The following ATM variants were observed in gnomAD, a reference collection of about 807,000 sequenced individuals.
ATM encodes the protein ATM serine/threonine kinase.
Under a neutral mutation model 387.0 loss-of-function variants are expected in ATM, and 308 were observed. The ratio of observed to expected loss-of-function variants is 0.80; its 90% CI spans 0.73 to 0.87. The LOEUF (loss-of-function observed/expected upper bound fraction) is 0.87, where lower values mean the gene tolerates loss of function less well. ATM is among the 40% of genes least tolerant of loss of function. ATM has a pLI of 0.00. For synonymous variants in ATM, 1,156 were observed against 1,187.3 expected (o/e 0.97, Z 0.54); for missense variants, 3,312 against 3,560.9 (o/e 0.93, Z 1.78).
In ATM at chr11:108,321,314, G is replaced by A. The variant is rs1328099740; in HGVS notation, c.6466G>A (p.Glu2156Lys). ...TTTTGCTACTAGAGTAAAAGAAGTG[G>A]AAGAGATGTGTAAGCGCAGCCTTGA... ...SLKYARVKEV[E>K]EMCKRSLESV... The change falls in exon 45 of 63, where the codon GAA (glutamate) becomes AAA (lysine). Residue 2156 changes from glutamate to lysine, a missense_variant. Glu to Lys is a moderately conservative substitution (Grantham distance 56). Coordinates refer to ENST00000675843, the MANE Select transcript of ATM (RefSeq NM_000051.4). 2 of 1,613,980 alleles carry A rather than the reference G, an allele frequency of 1.2e-6. No individual in the cohort carries two copies. The highest frequency in any genetic ancestry group is 1.6e-4 in the Middle Eastern group (1 of 6,082).
chr11:108,287,028 A>G (rs1321669585), intron 26 of ATM: 1 of 152,374 alleles, frequency 6.6e-6, no homozygotes, highest in Non-Finnish European at 1.5e-5. Flanking sequence ...GATTAATGAA[A>G]AGTCCAAATC....
At chr11:108,267,853 G>T (rs948622862) in intron 17 of ATM, among the ~76,000 whole-genome samples, 1 of 152,138 alleles carries the variant, frequency 6.6e-6, no homozygotes, top group Admixed American at 6.5e-5. Context: ...GCGAGACTCC[G>T]TCTCAAAAAA....
At chr11:108,313,747 A>T (rs2084370277) in intron 40 of ATM, among the ~76,000 whole-genome samples, 1 of 152,224 alleles carries the variant, frequency 6.6e-6, no homozygotes, top group Non-Finnish European at 1.5e-5. Flanking sequence ...GAAACATTTG[A>T]GTTGGAACTA....
At chr11:108,330,535 T>G in intron 50 of ATM, 114 bp downstream of exon 50, 2 of 1,041,110 alleles carry the variant, frequency 1.9e-6, no homozygotes, top group South Asian at 2.5e-5. Flanking sequence ...GGTCCAGTGC[T>G]CTACACATAA....
chr11:108,349,654 CTG>C (rs913671546), intron 59 of ATM, among the ~76,000 whole-genome samples: 86 of 151,768 alleles, frequency 5.7e-4, no homozygotes, highest in African/African-American at 2.1e-3. Flanking sequence ...CAGAGCAAGA[CTG>C]TCTCAAAAAA....
intron 34 of ATM, among the ~76,000 whole-genome samples, chr11:108,300,916 T>C (rs2083396357): frequency 7.1e-6 from 1 of 140,186 alleles, no homozygotes; most frequent in African/African-American, 2.7e-5. Context: ...AGGGTCTCGC[T>C]CTATCACCCA....
At chr11:108,345,627 T>C (rs756890895) in intron 57 of ATM, 116 bp from the exon 58 acceptor site, 11 of 801,688 alleles carry the variant, frequency 1.4e-5, no homozygotes, top group Admixed American at 3.0e-5. Flanking sequence ...TTGTAGGTAA[T>C]GTATCCTGTT....
In ATM at chr11:108,330,071, T is replaced by A. The variant is rs933562283; in HGVS notation, c.7308-143T>A. 3.5e-4 allele frequency: 291 copies of A among 826,882 alleles called. 2 individuals carry two copies. Among genetic ancestry groups the A allele is most frequent in the Middle Eastern group, 6.8e-4 (2 of 2,924 alleles). 51.2% of individuals were successfully genotyped at this position (826,882 alleles called of 1,614,324 possible). A position where few individuals can be genotyped will look rare whatever the true frequency, so the allele number is the denominator to read the frequency against. ...ACAGTTAAGACAAAAGTAAGTTTAT[T>A]CCCTTTATAATCCTTAGAAGTTTGC... On this transcript the variant is annotated intron_variant, in intron 49 of 62. Transcript: ENST00000675843.
chr11:108,251,470 A>G (rs1407136884), intron 10 of ATM, among the ~76,000 whole-genome samples: 1 of 152,186 alleles, frequency 6.6e-6, no homozygotes, highest in Non-Finnish European at 1.5e-5. Context: ...CTGTTTGGAA[A>G]TGTACAATAG....
At position 108,321,376 on chromosome 11, in the gene ATM, G is replaced by T; in HGVS notation, c.6528G>T (p.Leu2176Phe). 1 of 1,614,194 alleles carries T rather than the reference G, an allele frequency of 6.2e-7. No homozygotes were observed. The highest frequency in any genetic ancestry group is 8.5e-7 in the Non-Finnish European group (1 of 1,180,028). The change falls in exon 45 of 63, where the codon TTG becomes TTT. Residue 2176 changes from leucine to phenylalanine, a missense_variant. Transcript: ENST00000675843. ...VYSLYPTLSR[L>F]QAIGELESIG... ...CGCTCTATCCCACACTTAGCAGGTT[G>T]CAGGCCATTGGAGAGCTGGAAAGCA... is the stretch of plus-strand genomic sequence containing the variant.
intron 48 of ATM, among the ~76,000 whole-genome samples, chr11:108,328,225 A>G (rs1464459967): frequency 6.6e-6 from 1 of 152,128 alleles, no homozygotes; most frequent in Non-Finnish European, 1.5e-5. Context: ...GTAACATGAA[A>G]CACATGATGC....
At chr11:108,296,889 C>CGT in intron 32 of ATM, 1 of 272,060 alleles carries the variant, frequency 3.7e-6, no homozygotes, top group Non-Finnish European at 7.2e-6. Flanking sequence ...TAGACATTTC[C>CGT]ATCATTGCAG....
intron 61 of ATM, among the ~76,000 whole-genome samples, chr11:108,361,798 C>T (rs1454996595): frequency 2.6e-5 from 4 of 152,126 alleles, no homozygotes; most frequent in Middle Eastern, 3.2e-3. Context: ...AAAATTAACT[C>T]AAGATGGATT....
chr11:108,264,124 C>G (rs1591573205), intron 16 of ATM, among the ~76,000 whole-genome samples: 1 of 152,000 alleles, frequency 6.6e-6, no homozygotes, highest in Non-Finnish European at 1.5e-5. Flanking sequence ...CTCCCTAACT[C>G]ATTTTATGAG....
chr11:108,247,410 C>T (rs979388245), intron 8 of ATM, among the ~76,000 whole-genome samples: 1 of 152,112 alleles, frequency 6.6e-6, no homozygotes, highest in Non-Finnish European at 1.5e-5. Context: ...CGATTCGACT[C>T]GACTGTATTC....
At chr11:108,346,552 C>CCTG (rs1209402108) in intron 58 of ATM, 3 of 151,672 alleles carry the variant, frequency 2.0e-5, no homozygotes, top group African/African-American at 7.3e-5. Context: ...CATACTATAC[C>CCTG]CCAGGAAGGC....
intron 22 of ATM, among the ~76,000 whole-genome samples, chr11:108,274,738 T>TA (rs1397001802): frequency 1.3e-5 from 2 of 152,226 alleles, no homozygotes; most frequent in East Asian, 1.9e-4. Context: ...GAGAGACTGT[T>TA]ACGATTTCCA....
intron 5 of ATM, among the ~76,000 whole-genome samples, chr11:108,239,039 A>G (rs776286235): frequency 3.6e-4 from 54 of 152,034 alleles, no homozygotes; most frequent in Non-Finnish European, 6.8e-4. Context: ...CTTCATTTTT[A>G]TGGATTGAAT....
intron 47 of ATM, chr11:108,327,340 G>T: frequency 3.1e-6 from 1 of 324,940 alleles, no homozygotes; most frequent in Non-Finnish European, 5.9e-6. Context: ...TTATTTAATA[G>T]GATTCTTGTG....
Sources: allele counts gnomAD v4.1 joint callset (sites outside exome capture counted in the v4.1 genomes callset), GRCh38; gene constraint gnomAD v4.1.1; transcripts MANE v1.5; gene names NCBI Gene and HGNC (gene_info 2026-07-23, HGNC 2026-07-21).